The following CCDC91 variants were observed in gnomAD, a reference collection of about 807,000 sequenced individuals.
CCDC91 encodes the protein coiled-coil domain containing 91, also known as coiled-coil domain-containing protein 91.
A neutral mutation model predicts 63.2 loss-of-function variants in CCDC91; 48 were observed. That is an observed-to-expected ratio of 0.76 (90% CI 0.60 to 0.97). The LOEUF (loss-of-function observed/expected upper bound fraction) is 0.97. Ranked by LOEUF, CCDC91 falls within the 50% of genes least tolerant of loss-of-function variation. The pLI, the probability that CCDC91 is intolerant of heterozygous loss-of-function variation, is 0.00. For synonymous variants in CCDC91, 167 were observed against 165.8 expected, an observed-to-expected ratio of 1.01 and a Z score of -0.06; for missense variants, 500 against 494.6, an observed-to-expected ratio of 1.01 and a Z score of -0.10.
intron 3 of CCDC91, among the ~76,000 whole-genome samples, chr12:28,266,283 G>A (rs1448105588): frequency 2.6e-5 from 4 of 151,922 alleles, no homozygotes; most frequent in Admixed American, 6.6e-5. Context: ...TCCGTGTTGT[G>A]GAGTGAGGAT....
At position 28,476,819 on chromosome 12, in the gene CCDC91, C is replaced by T. The variant is rs139038000; in HGVS notation, c.1102-7233C>T. On this transcript the variant is annotated intron_variant, in intron 11 of 12. Transcript: ENST00000536442. ...ACCGATCCCACAGAAATACAAACTA[C>T]CATCAGAGGATACTATAAACACCTC... 3.7e-3 allele frequency among the ~76,000 whole-genome samples: 563 copies of T among 152,198 alleles called. 1 individual carries two copies. Among genetic ancestry groups the T allele is most frequent in the Middle Eastern group, 6.8e-3 (2 of 294 alleles).
At chr12:28,306,593 C>A in intron 4 of CCDC91, 149 bp from the exon 5 acceptor site, 1 of 524,490 alleles carries the variant, frequency 1.9e-6, no homozygotes, top group Non-Finnish European at 3.3e-6. Flanking sequence ...TTGAGGTCTT[C>A]TCTTGATTTA....
At chr12:28,237,749 A>G (rs1945063321) in intron 1 of CCDC91, among the ~76,000 whole-genome samples, 1 of 152,182 alleles carries the variant, frequency 6.6e-6, no homozygotes, top group South Asian at 2.1e-4. Context: ...GTAATTTGTG[A>G]CAGCAGCCAC....
At chr12:28,198,755 T>G (rs1486584864) in intron 1 of CCDC91, among the ~76,000 whole-genome samples, 1 of 152,200 alleles carries the variant, frequency 6.6e-6, no homozygotes, top group Admixed American at 6.5e-5. Flanking sequence ...CATTTACAAT[T>G]AATGTATTTA....
chr12:28,476,612 C>G (rs1951107780), intron 11 of CCDC91, among the ~76,000 whole-genome samples: 1 of 152,154 alleles, frequency 6.6e-6, no homozygotes, highest in East Asian at 1.9e-4. Flanking sequence ...CAAGAAATAA[C>G]TAAGATCAGA....
At chr12:28,393,250 A>C (rs1946060267) in intron 8 of CCDC91, among the ~76,000 whole-genome samples, 1 of 152,128 alleles carries the variant, frequency 6.6e-6, no homozygotes, top group African/African-American at 2.4e-5. Flanking sequence ...GGGTCGTTTT[A>C]AGTAGCAAAT....
intron 1 of CCDC91, among the ~76,000 whole-genome samples, chr12:28,226,987 TATG>T (rs1386049115): frequency 1.3e-5 from 2 of 152,150 alleles, no homozygotes; most frequent in African/African-American, 4.8e-5. Context: ...CTGAGATTGA[TATG>T]ATGTTTTTCC....
At chr12:28,324,121 T>C (rs1707209997) in intron 6 of CCDC91, among the ~76,000 whole-genome samples, 1 of 151,670 alleles carries the variant, frequency 6.6e-6, no homozygotes, top group South Asian at 2.1e-4. Context: ...CTTAATAAAG[T>C]AAAGAAATAC....
chr12:28,314,988 C>A (rs952668027), intron 6 of CCDC91, among the ~76,000 whole-genome samples: 4 of 151,740 alleles, frequency 2.6e-5, no homozygotes, highest in African/African-American at 9.7e-5. Flanking sequence ...ATTTGGAAGA[C>A]CTCTTTGTCA....
intron 6 of CCDC91, among the ~76,000 whole-genome samples, chr12:28,334,554 A>G (rs1427395432): frequency 6.6e-6 from 1 of 152,144 alleles, no homozygotes; most frequent in Non-Finnish European, 1.5e-5. Context: ...GAATTGCTCA[A>G]AGAAGGGCAG....
At chr12:28,319,708 TAAG>T (rs907178976) in intron 6 of CCDC91, among the ~76,000 whole-genome samples, 4 of 151,690 alleles carry the variant, frequency 2.6e-5, no homozygotes, top group East Asian at 1.9e-4. Flanking sequence ...AATATAATAA[TAAG>T]AGAAAAAGTC....
intron 7 of CCDC91, among the ~76,000 whole-genome samples, chr12:28,364,192 C>A (rs1592436689): frequency 6.6e-6 from 1 of 151,938 alleles, no homozygotes; most frequent in South Asian, 2.1e-4. Flanking sequence ...TCCAGACCAG[C>A]CTGGCCAACA....
chr12:28,477,208 G>A (rs1566034667), intron 11 of CCDC91, among the ~76,000 whole-genome samples: 1 of 152,164 alleles, frequency 6.6e-6, no homozygotes, highest in Non-Finnish European at 1.5e-5. Context: ...GAACATGGAT[G>A]CAAAAGTCCT....
intron 12 of CCDC91, among the ~76,000 whole-genome samples, chr12:28,496,942 A>ATATATATACATATATATATG (rs1565476832): frequency 7.1e-6 from 1 of 140,288 alleles, no homozygotes. Flanking sequence ...ATATATATAT[A>ATATATATACATATATATATG]CATATATATA....
intron 8 of CCDC91, among the ~76,000 whole-genome samples, chr12:28,432,034 G>C (rs1948655153): frequency 6.7e-6 from 1 of 149,994 alleles, no homozygotes. Context: ...TATGCGTTTA[G>C]GTTTTCTCTG....
intron 12 of CCDC91, among the ~76,000 whole-genome samples, chr12:28,491,473 T>C (rs1951999582): frequency 6.6e-6 from 1 of 151,714 alleles, no homozygotes; most frequent in African/African-American, 2.4e-5. Flanking sequence ...CATTGGCACA[T>C]GACAGTGCTT....
At chr12:28,532,389 A>T (rs1941810656) in intron 12 of CCDC91, among the ~76,000 whole-genome samples, 1 of 152,140 alleles carries the variant, frequency 6.6e-6, no homozygotes, top group African/African-American at 2.4e-5. Flanking sequence ...ATTGTAATTT[A>T]ATGTCTAAAA....
At chr12:28,453,999 A>G (rs548263792) in intron 11 of CCDC91, among the ~76,000 whole-genome samples, 5 of 152,176 alleles carry the variant, frequency 3.3e-5, no homozygotes, top group Non-Finnish European at 7.4e-5. Context: ...TACAAGAAAC[A>G]TGCAGTATAT....
intron 2 of CCDC91, among the ~76,000 whole-genome samples, chr12:28,258,986 T>G (rs1413038449): frequency 6.6e-6 from 1 of 151,980 alleles, no homozygotes; most frequent in African/African-American, 2.4e-5. Context: ...TTAAAAGAAT[T>G]TGGTGTCTAT....
Sources: gnomAD v4.1 joint callset for allele counts (sites outside exome capture counted in the v4.1 genomes callset) on GRCh38, gnomAD v4.1.1 for gene constraint, MANE v1.5 for transcripts, NCBI Gene and HGNC (gene_info 2026-07-23, HGNC 2026-07-21) for gene names.